CEP72: variants seen among roughly 807,000 people sequenced by gnomAD.
The protein encoded by CEP72 is centrosomal protein of 72 kDa.
Under a neutral mutation model 65.7 loss-of-function variants are expected in CEP72, and 78 were observed. That is an observed-to-expected ratio of 1.19 (90% CI 0.99 to 1.43). CEP72 has a LOEUF of 1.43. CEP72 is among the 40% of genes most tolerant of loss of function. The pLI, the probability that CEP72 is intolerant of heterozygous loss-of-function variation, is 0.00. For synonymous variants in CEP72, 358 were observed against 351.7 expected, an observed-to-expected ratio of 1.02 and a Z score of -0.20; for missense variants, 914 against 832.9, an observed-to-expected ratio of 1.10 and a Z score of -1.20.
At position 621,652 on chromosome 5, in the gene CEP72, G is replaced by A. The variant is rs73734336; in HGVS notation, c.403+1391G>A. Among the ~76,000 whole-genome samples the A allele has an allele frequency of 3.0e-3, 461 of 152,372 alleles. 1 individual carries two copies. The highest frequency in any genetic ancestry group is 0.011 in the African/African-American group (446 of 41,588). ...ACCTAAGCGCCTCAGCGAGTAGACC[G>A]GGAAGGCTGTCTGGGGCCATCGTGG... On this transcript the variant is annotated intron_variant, in intron 3 of 11. Coordinates refer to ENST00000264935, the MANE Select transcript of CEP72 (RefSeq NM_018140.4).
chr5:644,421 C>T lies in CEP72; in HGVS notation c.1662C>T (p.Ile554=), dbSNP rs62001007. The T allele has an allele frequency of 1.1e-3, 1,784 of 1,613,626 alleles. 12 individuals carry two copies. Among genetic ancestry groups the T allele is most frequent in the African/African-American group, 6.6e-3 (496 of 75,018 alleles). The part of the protein sequence containing the change: ...ADTAATLNLQ[I]AGLQTSVKRL... ...CTGCAGCCACGTTAAATTTGCAGAT[C>T]GCTGGTAAGTTGATCGTGTATTTGG... The change falls in exon 10 of 12, where the codon ATC becomes ATT. Residue 554 remains isoleucine, a synonymous_variant. Coordinates refer to ENST00000264935, the MANE Select transcript of CEP72 (RefSeq NM_018140.4).
Position 640,404 on chromosome 5 carries a change from C to T in CEP72, c.1343-4C>T. 1.2e-6 allele frequency: 2 copies of T among 1,611,364 alleles called. No homozygotes were observed. The highest frequency in any genetic ancestry group is 1.3e-5 in the African/African-American group (1 of 75,000). ...CTAATGTAATATTTGGTTTTCACTC[C>T]TAGCTCAGGCAAGACACATCTTGTC... On this transcript the variant is annotated splice_polypyrimidine_tract_variant and splice_region_variant and intron_variant, in intron 8 of 11. Transcript: ENST00000264935.
chr5:636,917 T>C (rs977434934), intron 6 of CEP72, among the ~76,000 whole-genome samples: 11 of 151,822 alleles, frequency 7.2e-5, no homozygotes, highest in Non-Finnish European at 1.5e-5. Flanking sequence ...CCTAGCCAGG[T>C]TGTCTGTCAG....
In CEP72 at chr5:653,426, C is replaced by T. The variant is rs542477291; in HGVS notation, c.*273C>T. Reference sequence around the variant, plus strand: ...TGACTATTAATCTTGTATCCAGTATCCTGAGATGAAGTAAATGCAGTGTTC... The same window carrying T: ...TGACTATTAATCTTGTATCCAGTATTCTGAGATGAAGTAAATGCAGTGTTC... On this transcript the variant is annotated 3_prime_UTR_variant, in exon 12 of 12. Transcript: ENST00000264935. The T allele has an allele frequency of 9.8e-6, 3 of 305,512 alleles. No homozygotes were observed. Among genetic ancestry groups the T allele is most frequent in the Admixed American group, 4.8e-5 (1 of 20,966 alleles). 18.9% of individuals were successfully genotyped at this position (305,512 alleles called of 1,614,324 possible).
In CEP72 at chr5:617,946, C is replaced by G. The variant is rs546112163; in HGVS notation, c.83-1044C>G. On this transcript the variant is annotated intron_variant, in intron 1 of 11. Transcript: ENST00000264935. ...TATTGATGTATTCGGATCTAAACTG[C>G]CTTTTTGATTACGGAAACTTTCATC... 2.6e-5 allele frequency among the ~76,000 whole-genome samples: 4 copies of G among 152,280 alleles called. No homozygotes were observed. The South Asian group carries it at 8.3e-4, about 32-fold the overall frequency.
At chr5:647,746 C>A in intron 10 of CEP72, 59 bp from the exon 11 acceptor site, 2 of 1,126,268 alleles carry the variant, frequency 1.8e-6, no homozygotes, top group South Asian at 1.4e-5. Context: ...TTTTCATTTT[C>A]AAAATGTATT....
chr5:619,421 A>T (rs1736230819), intron 2 of CEP72, among the ~76,000 whole-genome samples: 1 of 152,274 alleles, frequency 6.6e-6, no homozygotes, highest in South Asian at 2.1e-4. Flanking sequence ...GTCACCCTGG[A>T]GAGAGATGCC....
chr5:624,301 C>T lies in CEP72; in HGVS notation c.404-170C>T, dbSNP rs570732553. Among the ~76,000 whole-genome samples the T allele has an allele frequency of 1.8e-4, 27 of 152,198 alleles. No individual in the cohort carries two copies. The highest frequency in any genetic ancestry group is 3.4e-4 in the Non-Finnish European group (23 of 68,020). On this transcript the variant is annotated intron_variant, in intron 3 of 11. Transcript: ENST00000264935. The surrounding 1 kb of genome is among the most constrained non-coding windows in gnomAD (Gnocchi z 4.7). ...CAGGCGGCCTCAGCACCACGCTGGGCATCGCCGGGAAGCTGTGGGACCACC... is the reference window on the plus strand; with the variant it reads ...CAGGCGGCCTCAGCACCACGCTGGGTATCGCCGGGAAGCTGTGGGACCACC...
chr5:670,625 C>T (rs752886765), downstream of CEP72, among the ~76,000 whole-genome samples: 1 of 152,148 alleles, frequency 6.6e-6, no homozygotes, highest in African/African-American at 2.4e-5. Flanking sequence ...GGAGCCCTGT[C>T]TGGCATCGCC....
chr5:618,918 C>G (rs1736169181), intron 1 of CEP72, 72 bp from the exon 2 acceptor site: 2 of 1,265,590 alleles, frequency 1.6e-6, no homozygotes, highest in Admixed American at 3.8e-5. Context: ...ATATCCAACA[C>G]CAAGAACTTG....
At chr5:648,575 T>G (rs1470722963) in intron 11 of CEP72, among the ~76,000 whole-genome samples, 2 of 106,590 alleles carry the variant, frequency 1.9e-5, no homozygotes, top group Non-Finnish European at 1.9e-5. Flanking sequence ...GACTGTGAGG[T>G]GTGACTGTGA....
chr5:658,663 T>A (rs1209241439), downstream of CEP72, among the ~76,000 whole-genome samples: 9 of 60,286 alleles, frequency 1.5e-4, no homozygotes, highest in African/African-American at 5.9e-4. Context: ...TTTTTTTTTT[T>A]TTTTTTTTTT....
At chr5:654,114 T>C (rs1226260878), downstream of CEP72, among the ~76,000 whole-genome samples, 2 of 134,942 alleles carry the variant, frequency 1.5e-5, no homozygotes, top group Admixed American at 7.1e-5. Context: ...GTGCTAGCTG[T>C]GTGTGTGTGC....
intron 11 of CEP72, among the ~76,000 whole-genome samples, chr5:652,243 A>C (rs999842547): frequency 6.6e-6 from 1 of 152,208 alleles, no homozygotes; most frequent in Non-Finnish European, 1.5e-5. Context: ...ACATGGTGGC[A>C]TTGGGCTTCT....
At chr5:628,306 C>A (rs1404291496) in intron 4 of CEP72, among the ~76,000 whole-genome samples, 1 of 152,246 alleles carries the variant, frequency 6.6e-6, no homozygotes, top group African/African-American at 2.4e-5. Flanking sequence ...CCATACCGCA[C>A]AGAGGAGGTG....
the CEP72 span, chr5:675,747 G>A: frequency 6.5e-6 from 1 of 153,304 alleles, no homozygotes; most frequent in Non-Finnish European, 1.5e-5. Context: ...GGGCCCCAGG[G>A]ATGAGTGGTC....
At chr5:672,288 C>T in the CEP72 span, among the ~76,000 whole-genome samples, 11 of 151,220 alleles carry the variant, frequency 7.3e-5, no homozygotes, top group Admixed American at 5.9e-4. Flanking sequence ...CTGCTGTTCT[C>T]AGTCTCCCAC....
chr5:658,064 A>G (rs1025577990), downstream of CEP72, among the ~76,000 whole-genome samples: 2 of 152,232 alleles, frequency 1.3e-5, no homozygotes, highest in Non-Finnish European at 2.9e-5. Context: ...AACACACATA[A>G]TTTGAATGGC....
intron 1 of CEP72, among the ~76,000 whole-genome samples, chr5:614,398 A>G (rs1735862328): frequency 6.7e-6 from 1 of 149,926 alleles, no homozygotes; most frequent in African/African-American, 2.5e-5. Flanking sequence ...CATCCAGTTC[A>G]GCGTATTTTA....
Sources: gnomAD v4.1 joint callset for allele counts (sites outside exome capture counted in the v4.1 genomes callset) on GRCh38, gnomAD v4.1.1 for gene constraint, Gnocchi (gnomAD v3.1) non-coding constraint, MANE v1.5 for transcripts, NCBI Gene and HGNC (gene_info 2026-07-23, HGNC 2026-07-21) for gene names.